RERE: variants seen among roughly 807,000 people sequenced by gnomAD.
The protein encoded by RERE is arginine-glutamic acid dipeptide repeats.
Under a neutral mutation model 146.1 loss-of-function variants are expected in RERE, and 40 were observed. The observed-to-expected ratio is 0.27, with a 90% CI of 0.21 to 0.36. RERE has a LOEUF of 0.36. RERE is among the 10% of genes least tolerant of loss of function. The pLI, the probability that RERE is intolerant of heterozygous loss-of-function variation, is 1.00. For synonymous variants in RERE, 1,003 were observed against 866.0 expected (o/e 1.16, Z -2.78); for missense variants, 1,933 against 2,138.7 (o/e 0.90, Z 1.90).
chr1:8,807,990 C>T (rs769761966), intron 1 of RERE, among the ~76,000 whole-genome samples: 4 of 151,822 alleles, frequency 2.6e-5, no homozygotes, highest in Non-Finnish European at 5.9e-5. Flanking sequence ...TATAAATCTC[C>T]TTCAGAGGCC....
At chr1:8,803,174 T>G (rs139118270) in intron 1 of RERE, among the ~76,000 whole-genome samples, 2,628 of 152,280 alleles carry the variant, frequency 0.017, 29 homozygotes, top group Middle Eastern at 0.051. Flanking sequence ...CTATCTGAGC[T>G]GTGAAAAGAA....
intron 10 of RERE, among the ~76,000 whole-genome samples, chr1:8,467,705 C>T (rs1644619417): frequency 1.3e-5 from 2 of 151,958 alleles, no homozygotes; most frequent in South Asian, 2.1e-4. Flanking sequence ...AGTGCAGTGG[C>T]GCGATCACGG....
chr1:8,723,966 G>A (rs979712723), intron 1 of RERE, among the ~76,000 whole-genome samples: 2 of 152,140 alleles, frequency 1.3e-5, no homozygotes, highest in Admixed American at 6.5e-5. Flanking sequence ...TATATCAAAT[G>A]AATCTATATA....
intron 1 of RERE, among the ~76,000 whole-genome samples, chr1:8,738,261 G>A (rs1381618069): frequency 6.6e-6 from 1 of 151,980 alleles, no homozygotes; most frequent in Admixed American, 6.6e-5. Context: ...AGCTTTATTC[G>A]TGCCTTTCTT....
At chr1:8,766,788 T>C (rs1640858864) in intron 1 of RERE, among the ~76,000 whole-genome samples, 2 of 152,144 alleles carry the variant, frequency 1.3e-5, no homozygotes, top group South Asian at 4.1e-4. Flanking sequence ...TTCACAATAT[T>C]GTGAAATTTA....
At chr1:8,387,521 GAA>G (rs1642722739) in intron 12 of RERE, among the ~76,000 whole-genome samples, 2 of 152,232 alleles carry the variant, frequency 1.3e-5, no homozygotes, top group Non-Finnish European at 2.9e-5. Flanking sequence ...TAAAAAGTGT[GAA>G]AAGATAAGCC....
intron 1 of RERE, among the ~76,000 whole-genome samples, chr1:8,794,176 T>C (rs2124580014): frequency 6.6e-6 from 1 of 151,464 alleles, no homozygotes; most frequent in South Asian, 2.1e-4. Context: ...GGTGGGCAGA[T>C]CATGAGGTCA....
intron 12 of RERE, among the ~76,000 whole-genome samples, chr1:8,399,390 T>G (rs1048500686): frequency 6.6e-5 from 10 of 152,214 alleles, no homozygotes; most frequent in African/African-American, 2.4e-4. Flanking sequence ...TATTTTATTT[T>G]GTTCCCATAT....
At chr1:8,804,887 T>C (rs185403769) in intron 1 of RERE, among the ~76,000 whole-genome samples, 3 of 152,306 alleles carry the variant, frequency 2.0e-5, no homozygotes, top group Admixed American at 6.5e-5. Context: ...TTATTTTTGG[T>C]TTCTACCACT....
chr1:8,355,584 C>G lies in RERE; in HGVS notation c.4502G>C (p.Arg1501Pro). The G allele has an allele frequency of 1.3e-6, 2 of 1,582,010 alleles. No homozygotes were observed. Among genetic ancestry groups the G allele is most frequent in the Non-Finnish European group, 1.7e-6 (2 of 1,160,996 alleles). ...GGGTGGGATGGCCCCAGGCAGGTCA[C>G]GGGGGTAGGGGGTGCCTGCCGAACA... ...RHPVFGTPYP[R>P]DLPGAIPPPM... is the part of the protein sequence containing the mutation. Residue 1501 changes from arginine to proline, a missense_variant, in exon 22 of 23, where the codon CGT (arginine) becomes CCT (proline). By Grantham distance (103) the Arg-to-Pro change is moderately radical. Around this residue, in one of 11 missense-constraint regions of RERE, gnomAD observed 133 missense variants for 168.6 expected, o/e 0.79. Coordinates refer to ENST00000400908, the MANE Select transcript of RERE (RefSeq NM_001042681.2).
At chr1:8,454,280 C>T (rs1262668773) in intron 11 of RERE, among the ~76,000 whole-genome samples, 3 of 152,164 alleles carry the variant, frequency 2.0e-5, no homozygotes, top group Non-Finnish European at 4.4e-5. Flanking sequence ...TGTGTGTGTA[C>T]GCACACATGC....
intron 3 of RERE, 39 bp from the exon 4 acceptor site, chr1:8,614,725 C>A: frequency 6.4e-7 from 1 of 1,570,702 alleles, no homozygotes; most frequent in African/African-American, 1.4e-5. Flanking sequence ...GTGCCCAACG[C>A]CCCATCATGC....
chr1:8,596,574 A>G (rs1283075217), intron 4 of RERE, among the ~76,000 whole-genome samples: 1 of 152,006 alleles, frequency 6.6e-6, no homozygotes, highest in Admixed American at 6.6e-5. Flanking sequence ...TAGTACAATC[A>G]TAAGCTCACT....
chr1:8,355,460 G>A lies in RERE; in HGVS notation c.4626C>T (p.His1542=), dbSNP rs1641251877. The A allele has an allele frequency of 6.2e-7, 1 of 1,613,000 alleles. No individual in the cohort carries two copies. Among genetic ancestry groups the A allele is most frequent in the Admixed American group, 1.7e-5 (1 of 60,012 alleles). Residue 1542 remains histidine (H), a synonymous_variant, in exon 22 of 23, where the codon CAC becomes CAT. Coordinates refer to ENST00000400908, the MANE Select transcript of RERE (RefSeq NM_001042681.2). ...GACTTGGTAGGTGGCCACCATGCAT[G>A]TGGGGGTGTCCATGCAGCCACTGCT... ...MEQQWLHGHP[H]MHGGHLPSQE...
chr1:8,789,282 C>CAAAAAAAAAAAAAAAA lies in RERE; in HGVS notation c.-145+27862_-145+27877dup, dbSNP rs58993452. Among the ~76,000 whole-genome samples, 8 of 38,494 alleles carry CAAAAAAAAAAAAAAAA rather than the reference C, an allele frequency of 2.1e-4. 1 individual carries two copies. The highest frequency in any genetic ancestry group is 6.6e-4 in the Admixed American group (2 of 3,038). 25.3% of individuals were successfully genotyped at this position (38,494 alleles called of 152,430 possible). On this transcript the variant is annotated intron_variant, in intron 1 of 22. Transcript: ENST00000400908. ...CAACACAGCAAGACCTCCTCTCTAC[C>CAAAAAAAAAAAAAAAA]AAAAAAAAAAAAAAAAAAAATATAT...
chr1:8,707,120 A>G (rs1429876153), intron 1 of RERE, among the ~76,000 whole-genome samples: 1 of 152,194 alleles, frequency 6.6e-6, no homozygotes, highest in Admixed American at 6.5e-5. Flanking sequence ...CTCCGTTTCC[A>G]TAACACCCGT....
chr1:8,601,203 A>G (rs915873120), intron 4 of RERE, among the ~76,000 whole-genome samples: 2 of 151,608 alleles, frequency 1.3e-5, no homozygotes, highest in African/African-American at 2.4e-5. Flanking sequence ...TTTTTAGTAG[A>G]GATGGGGTTT....
chr1:8,729,017 T>C (rs1295588111), intron 1 of RERE, among the ~76,000 whole-genome samples: 3 of 151,626 alleles, frequency 2.0e-5, no homozygotes, highest in Admixed American at 6.6e-5. Context: ...AATACAAAAT[T>C]AGCTGGGCAT....
At chr1:8,540,076 ATTATTTAT>A (rs573769260) in intron 7 of RERE, among the ~76,000 whole-genome samples, 2 of 151,806 alleles carry the variant, frequency 1.3e-5, no homozygotes, top group African/African-American at 4.8e-5. Flanking sequence ...AGTATTATTT[ATTATTTAT>A]TTATTTATTT....
Sources: allele counts gnomAD v4.1 joint callset (sites outside exome capture counted in the v4.1 genomes callset), GRCh38; gene constraint gnomAD v4.1.1; regional missense constraint gnomAD v4.1.1; transcripts MANE v1.5; gene names NCBI Gene and HGNC (gene_info 2026-07-23, HGNC 2026-07-21).